The following RGL1 variants were observed in gnomAD, a reference collection of about 807,000 sequenced individuals.
RGL1 encodes the protein ral guanine nucleotide dissociation stimulator like 1, also known as ral guanine nucleotide dissociation stimulator-like 1.
RGL1 carries 24 observed loss-of-function variants against 95.2 expected under a neutral mutation model. That is an observed-to-expected ratio of 0.25 (90% confidence interval 0.18 to 0.35). RGL1 has a LOEUF of 0.35. Ranked by LOEUF, RGL1 falls within the 10% of genes least tolerant of loss-of-function variation. The pLI is 1.00. For synonymous variants in RGL1, 329 were observed against 344.9 expected (o/e 0.95, Z 0.51); for missense variants, 715 against 936.3 (o/e 0.76, Z 3.08).
chr1:183,783,479 G>A (rs1225558116), intron 2 of RGL1, among the ~76,000 whole-genome samples: 2 of 152,248 alleles, frequency 1.3e-5, no homozygotes, highest in East Asian at 1.9e-4. Flanking sequence ...TGCCCTCCAT[G>A]CTTCAGGAAT....
In RGL1 at chr1:183,926,508, T is replaced by C. The variant is rs1669628231; in HGVS notation, c.*216T>C. 1 of 388,428 alleles carries C rather than the reference T, an allele frequency of 2.6e-6. No homozygotes were observed. The highest frequency in any genetic ancestry group is 4.8e-5 in the South Asian group (1 of 20,788). The allele number at this position is 388,428 out of a possible 1,614,324, so 24.1% of individuals were successfully genotyped here. On this transcript the variant is annotated 3_prime_UTR_variant, in exon 18 of 18. Coordinates refer to ENST00000360851, the MANE Select transcript of RGL1 (RefSeq NM_001297671.3). Reference sequence around the variant, plus strand: ...GGATGAACGATTCACTGATTCTCTTTGACTCATTTGAGACTAAAATGCAGA... The same window carrying C: ...GGATGAACGATTCACTGATTCTCTTCGACTCATTTGAGACTAAAATGCAGA...
intron 3 of RGL1, among the ~76,000 whole-genome samples, chr1:183,858,798 A>G (rs2102571878): frequency 6.6e-6 from 1 of 152,304 alleles, no homozygotes; most frequent in Non-Finnish European, 1.5e-5. Flanking sequence ...GTAAGCACCC[A>G]TTTAGATAAA....
At chr1:183,749,435 T>C (rs1391949028) in intron 2 of RGL1, among the ~76,000 whole-genome samples, 2 of 151,900 alleles carry the variant, frequency 1.3e-5, no homozygotes, top group Non-Finnish European at 2.9e-5. Flanking sequence ...GAGACTAGGA[T>C]TGCAACCCCT....
At chr1:183,770,558 G>A (rs1473854376) in intron 2 of RGL1, among the ~76,000 whole-genome samples, 2 of 152,146 alleles carry the variant, frequency 1.3e-5, no homozygotes, top group African/African-American at 4.8e-5. Context: ...TGAGGGGAGA[G>A]GAGACCAGTC....
chr1:183,860,908 TG>T lies in RGL1; in HGVS notation c.348-5087del, dbSNP rs1436505397. Among the ~76,000 whole-genome samples, 3 of 151,470 alleles carry T rather than the reference TG, an allele frequency of 2.0e-5. No homozygotes were observed. The East Asian group carries it at 5.8e-4, about 29-fold the overall frequency. On this transcript the variant is annotated intron_variant, in intron 3 of 17. Coordinates refer to ENST00000360851, the MANE Select transcript of RGL1 (RefSeq NM_001297671.3). ...AGGACTAAATGAGTGAAAGAATGAA[TG>T]ATGGAATAAATGAATGAAAGGCTCA... is the stretch of plus-strand genomic sequence containing the variant.
At chr1:183,914,930 A>G (rs1668869530) in intron 15 of RGL1, among the ~76,000 whole-genome samples, 1 of 152,254 alleles carries the variant, frequency 6.6e-6, no homozygotes. Context: ...TTATGCTATT[A>G]ACTTATCTAT....
intron 8 of RGL1, among the ~76,000 whole-genome samples, chr1:183,889,064 T>C (rs186003767): frequency 3.8e-4 from 58 of 152,324 alleles, no homozygotes; most frequent in Non-Finnish European, 1.5e-4. Context: ...TTAAATGTTC[T>C]TTCCTAAGTA....
intron 2 of RGL1, among the ~76,000 whole-genome samples, chr1:183,765,669 A>G (rs1185523233): frequency 6.6e-6 from 1 of 152,176 alleles, no homozygotes; most frequent in East Asian, 1.9e-4. Context: ...CACAATCTCC[A>G]AAGTTATCAG....
At chr1:183,841,724 A>T (rs1664073675) in intron 2 of RGL1, among the ~76,000 whole-genome samples, 1 of 152,174 alleles carries the variant, frequency 6.6e-6, no homozygotes, top group Non-Finnish European at 1.5e-5. Context: ...TGAGAGAATG[A>T]TGCAAATTTT....
intron 14 of RGL1, among the ~76,000 whole-genome samples, chr1:183,910,602 G>A (rs893298719): frequency 6.6e-6 from 1 of 152,094 alleles, no homozygotes; most frequent in African/African-American, 2.4e-5. Flanking sequence ...CATACCTGGG[G>A]CTTTCTTACT....
Position 183,896,337 on chromosome 1 carries a change from C to T in RGL1, c.1141-1471C>T, listed in dbSNP as rs182627329. ...AGTAGCTAGGATTACAGGCGCATGC[C>T]GCCATGTCCAGTATAGGCTATTTTC... On this transcript the variant is annotated intron_variant, in intron 9 of 17. Transcript: ENST00000360851. Among the ~76,000 whole-genome samples the T allele has an allele frequency of 1.4e-3, 216 of 152,294 alleles. 1 individual carries two copies. The highest frequency in any genetic ancestry group is 2.2e-3 in the Non-Finnish European group (148 of 68,034).
chr1:183,785,168 C>T (rs1660094268), intron 2 of RGL1, among the ~76,000 whole-genome samples: 1 of 152,136 alleles, frequency 6.6e-6, no homozygotes. Flanking sequence ...CTCCATTGCC[C>T]CAGGATAAAG....
intron 2 of RGL1, 81 bp downstream of exon 2, chr1:183,806,566 C>A: frequency 4.1e-6 from 4 of 987,642 alleles, no homozygotes; most frequent in Non-Finnish European, 6.1e-6. Flanking sequence ...TTAACAGAGG[C>A]AGGCTTTTTT....
At chr1:183,658,860 A>C in intron 1 of RGL1, among the ~76,000 whole-genome samples, 1 of 150,042 alleles carries the variant, frequency 6.7e-6, no homozygotes, top group African/African-American at 2.5e-5. Flanking sequence ...CTCTGAGACA[A>C]AACTTCCAGA....
At chr1:183,884,987 C>T in intron 7 of RGL1, 49 bp downstream of exon 7, 1 of 1,489,192 alleles carries the variant, frequency 6.7e-7, no homozygotes, top group South Asian at 1.2e-5. Context: ...ATGCAAGAGA[C>T]TGCTCCATCA....
At chr1:183,758,488 T>C (rs1433210773) in intron 2 of RGL1, among the ~76,000 whole-genome samples, 4 of 152,158 alleles carry the variant, frequency 2.6e-5, no homozygotes, top group South Asian at 2.1e-4. Flanking sequence ...TGAGCCACCG[T>C]GCCCAGCCAA....
chr1:183,861,561 C>T (rs930574165), intron 3 of RGL1, among the ~76,000 whole-genome samples: 1 of 152,178 alleles, frequency 6.6e-6, no homozygotes, highest in Non-Finnish European at 1.5e-5. Flanking sequence ...TAAATAATTG[C>T]TTAAGGCTGC....
At chr1:183,887,584 C>G (rs562986110) in intron 7 of RGL1, among the ~76,000 whole-genome samples, 1 of 152,206 alleles carries the variant, frequency 6.6e-6, no homozygotes, top group African/African-American at 2.4e-5. Context: ...TGACATAAGG[C>G]CTGGTCCAGT....
intron 1 of RGL1, among the ~76,000 whole-genome samples, chr1:183,669,607 G>C (rs955979810): frequency 6.6e-6 from 1 of 152,160 alleles, no homozygotes; most frequent in African/African-American, 2.4e-5. Context: ...TGATGTACTG[G>C]GTAAAAAGAA....
Sources: gnomAD v4.1 joint callset for allele counts (sites outside exome capture counted in the v4.1 genomes callset) on GRCh38, gnomAD v4.1.1 for gene constraint, MANE v1.5 for transcripts, NCBI Gene and HGNC (gene_info 2026-07-23, HGNC 2026-07-21) for gene names.